Variants in ZNF638 observed in about 807,000 individuals in gnomAD.
ZNF638 encodes the protein zinc finger protein 638.
Under a neutral mutation model 195.6 loss-of-function variants are expected in ZNF638, and 46 were observed. The observed-to-expected ratio is 0.24, with a 90% CI of 0.19 to 0.30. The LOEUF (loss-of-function observed/expected upper bound fraction) is 0.30. Ranked by LOEUF, ZNF638 falls within the 10% of genes least tolerant of loss-of-function variation. The pLI is 1.00. For synonymous variants in ZNF638, 845 were observed against 772.0 expected (o/e 1.09, Z -1.57); for missense variants, 2,440 against 2,325.3 (o/e 1.05, Z -1.01).
intron 17 of ZNF638, among the ~76,000 whole-genome samples, chr2:71,405,126 T>C (rs2080081141): frequency 6.6e-6 from 1 of 152,216 alleles, no homozygotes; most frequent in Non-Finnish European, 1.5e-5. Flanking sequence ...CTTCCATTAG[T>C]TGTCCTCTGC....
In ZNF638 at chr2:71,396,145, A is replaced by G; in HGVS notation, c.2382A>G (p.Lys794=). 1.2e-6 allele frequency: 2 copies of G among 1,613,252 alleles called. No homozygotes were observed. The highest frequency in any genetic ancestry group is 1.7e-6 in the Non-Finnish European group (2 of 1,179,728). Residue 794 remains lysine, a synonymous_variant, in exon 11 of 28, where the codon AAA becomes AAG. Coordinates refer to ENST00000264447, the MANE Select transcript of ZNF638 (RefSeq NM_014497.5). ...ATGTTTTTCTTGTTGTTTTAGCCAA[A>G]ACTGGACAAGCCAAGGCATCTGTAG... ...VEIVTSTSAA[K]TGQAKASVAK...
intron 16 of ZNF638, 56 bp downstream of exon 16, chr2:71,402,143 A>G: frequency 6.6e-7 from 1 of 1,509,296 alleles, no homozygotes; most frequent in African/African-American, 1.4e-5. Flanking sequence ...GCTTTGAAAA[A>G]CATTAAATTT....
intron 22 of ZNF638, 152 bp from the exon 23 acceptor site, chr2:71,424,498 G>A: frequency 1.5e-6 from 1 of 650,522 alleles, no homozygotes; most frequent in Non-Finnish European, 2.7e-6. Context: ...AGTGACTGTT[G>A]ACTTAGTTTT....
intron 3 of ZNF638, among the ~76,000 whole-genome samples, chr2:71,356,598 A>G (rs1218436443): frequency 1.3e-5 from 2 of 152,124 alleles, no homozygotes; most frequent in Non-Finnish European, 2.9e-5. Context: ...CAGCCTGGCC[A>G]ACACAGCAAG....
chr2:71,376,526 G>A (rs367803904), intron 8 of ZNF638, among the ~76,000 whole-genome samples: 1 of 152,090 alleles, frequency 6.6e-6, no homozygotes, highest in Admixed American at 6.5e-5. Flanking sequence ...AACAAACTAG[G>A]AAGAAGAAGA....
chr2:71,380,663 T>G, intron 10 of ZNF638, 98 bp downstream of exon 10: 1 of 944,732 alleles, frequency 1.1e-6, no homozygotes, highest in Non-Finnish European at 1.6e-6. Flanking sequence ...TGTGCTTTAA[T>G]GAAGGAGACC....
intron 6 of ZNF638, among the ~76,000 whole-genome samples, chr2:71,366,691 G>A (rs540765327): frequency 6.6e-6 from 1 of 152,266 alleles, no homozygotes; most frequent in East Asian, 1.9e-4. Context: ...AGGTATAAGA[G>A]TGAGCCTCTC....
rs1354000658 is a variant in ZNF638, at chr2:71,423,949, T to C, written c.4435T>C (p.Ser1479Pro). 1.9e-6 allele frequency: 3 copies of C among 1,614,068 alleles called. No homozygotes were observed. The highest frequency in any genetic ancestry group is 2.2e-5 in the East Asian group (1 of 44,876). The change falls in exon 22 of 28, where the codon TCT becomes CCT. Residue 1479 changes from serine (S) to proline (P), a missense_variant. Ser to Pro is a moderately conservative substitution (Grantham distance 74). Transcript: ENST00000264447. ...GATCTCAGCCCTGCAAGGCAAGCTT[T>C]CTAAACTGGATTACAGAGATATAAC... ...GRISALQGKL[S>P]KLDYRDITKQ...
At position 71,427,149 on chromosome 2, in the gene ZNF638, C is replaced by T. The variant is rs758631038; in HGVS notation, c.5280C>T (p.Asp1760=). Residue 1760 remains aspartate (D), a synonymous_variant, in exon 24 of 28, where the codon GAC becomes GAT. Transcript: ENST00000264447. ...ATGAAGTAACTGAAGAGGATGAAGA[C>T]TCTCTGGCGGATTTTAACAACCTTA... The part of the protein sequence containing the change: ...TLDEVTEEDE[D]SLADFNNLKE... 3 of 1,613,292 alleles carry T rather than the reference C, an allele frequency of 1.9e-6. No homozygotes were observed. The highest frequency in any genetic ancestry group is 2.5e-6 in the Non-Finnish European group (3 of 1,179,764).
intron 10 of ZNF638, among the ~76,000 whole-genome samples, chr2:71,392,077 C>A (rs1041252776): frequency 1.3e-5 from 2 of 152,214 alleles, no homozygotes; most frequent in Admixed American, 1.3e-4. Context: ...ACGATGCAAT[C>A]TGTGGCTGGG....
chr2:71,367,738 CT>C (rs60228089), intron 6 of ZNF638, among the ~76,000 whole-genome samples: 30,640 of 144,888 alleles, frequency 0.21, 4,151 homozygotes, highest in African/African-American at 0.38. Context: ...CAGGCCTGGC[CT>C]TTTTTTTTTT....
At chr2:71,396,043 G>C (rs1330365222) in intron 10 of ZNF638, 98 bp from the exon 11 acceptor site, 2 of 1,100,308 alleles carry the variant, frequency 1.8e-6, no homozygotes, top group East Asian at 4.8e-5. Context: ...GCTGTTTCTT[G>C]CAGGGTTCTT....
rs2080733604 is a variant in ZNF638 at position 71,434,764 on chromosome 2, A to G, written c.5894A>G (p.Lys1965Arg). ...CAGAAATTCATGGCCAAGCAAAGAA[A>G]GGAAAAGGAGCAGAATGAGGCTGAA... ...NTEKFMAKQR[K>R]EKEQNEAEER... Residue 1965 changes from lysine (K) to arginine (R), a missense_variant, in exon 28 of 28, where the codon AAG (lysine) becomes AGG (arginine). Around this residue, in one of 5 missense-constraint regions of ZNF638, gnomAD observed 1,883 missense variants for 1,739.1 expected, o/e 1.08. Coordinates refer to ENST00000264447, the MANE Select transcript of ZNF638 (RefSeq NM_014497.5). 2 of 1,612,420 alleles carry G rather than the reference A, an allele frequency of 1.2e-6. No homozygotes were observed. Among genetic ancestry groups the G allele is most frequent in the East Asian group, 2.2e-5 (1 of 44,798 alleles).
At chr2:71,393,391 C>T (rs556441598) in intron 10 of ZNF638, 33 of 718,548 alleles carry the variant, frequency 4.6e-5, no homozygotes, top group South Asian at 4.6e-4. Context: ...ACACCCCCCT[C>T]AGGCCCTCTT....
At chr2:71,342,861 G>A (rs1445661038) in intron 1 of ZNF638, among the ~76,000 whole-genome samples, 1 of 152,070 alleles carries the variant, frequency 6.6e-6, no homozygotes, top group Non-Finnish European at 1.5e-5. Context: ...GAAGACTAAT[G>A]TTTTAGCTGA....
At position 71,435,005 on chromosome 2, in the gene ZNF638, A is replaced by G; in HGVS notation, c.*198A>G. 1 of 488,544 alleles carries G rather than the reference A, an allele frequency of 2.0e-6. No individual in the cohort carries two copies. The highest frequency in any genetic ancestry group is 3.4e-5 in the South Asian group (1 of 29,274). The allele number at this position is 488,544 out of a possible 1,614,324, so 30.3% of individuals were successfully genotyped here. A position where few individuals can be genotyped will look rare whatever the true frequency, so the allele number is the denominator to read the frequency against. On this transcript the variant is annotated 3_prime_UTR_variant, in exon 28 of 28. Coordinates refer to ENST00000264447, the MANE Select transcript of ZNF638 (RefSeq NM_014497.5). ...TTTTATATCAAATCATCAGGCATGG[A>G]GAAATATCTTTTAGAAGTGTTAAAA... is the stretch of plus-strand genomic sequence containing the variant.
rs1328658402 is a variant in ZNF638 at position 71,427,397 on chromosome 2, T to C, written c.5528T>C (p.Ile1843Thr). 5.7e-6 allele frequency: 9 copies of C among 1,569,986 alleles called. No homozygotes were observed. Among genetic ancestry groups the C allele is most frequent in the South Asian group, 2.4e-5 (2 of 82,540 alleles). The change falls in exon 24 of 28, where the codon ATT (isoleucine) becomes ACT (threonine). Residue 1843 changes from isoleucine (I) to threonine (T), a missense_variant. Coordinates refer to ENST00000264447, the MANE Select transcript of ZNF638 (RefSeq NM_014497.5). ...ATGGAAGAAGATCTAAAAACCATGA[T>C]TGAAAGACACTTAACAGGTAGATAC... ...NVMEEDLKTM[I>T]ERHLTAKTPT...
In ZNF638 at chr2:71,422,819, G is replaced by A. The variant is rs549407202; in HGVS notation, c.3305G>A (p.Gly1102Asp). Reference protein sequence around the residue: ...HDPELEKESPGLKNSPIDESE... With the variant: ...HDPELEKESPDLKNSPIDESE... ...TTGTTTTTAAATACTTTTAGCCCTGGCTTGAAAAACAGTCCAATTGATGAA... is the reference window on the plus strand; with the variant it reads ...TTGTTTTTAAATACTTTTAGCCCTGACTTGAAAAACAGTCCAATTGATGAA... Residue 1102 changes from glycine (G) to aspartate (D), a missense_variant, in exon 22 of 28, where the codon GGC (glycine) becomes GAC (aspartate). By Grantham distance (94) the Gly-to-Asp change is moderately conservative. Around this residue, in one of 5 missense-constraint regions of ZNF638, gnomAD observed 1,883 missense variants for 1,739.1 expected, o/e 1.08. Transcript: ENST00000264447. The A allele has an allele frequency of 6.2e-7, 1 of 1,606,748 alleles. No homozygotes were observed. Among genetic ancestry groups the A allele is most frequent in the Non-Finnish European group, 8.5e-7 (1 of 1,176,708 alleles).
intron 10 of ZNF638, among the ~76,000 whole-genome samples, chr2:71,387,591 A>G (rs544556889): frequency 6.6e-6 from 1 of 152,094 alleles, no homozygotes; most frequent in South Asian, 2.1e-4. Flanking sequence ...GAATTGCCTG[A>G]ACCTGGGAGG....
Sources: allele counts gnomAD v4.1 joint callset (sites outside exome capture counted in the v4.1 genomes callset), GRCh38; gene constraint gnomAD v4.1.1; regional missense constraint gnomAD v4.1.1; transcripts MANE v1.5; gene names NCBI Gene and HGNC (gene_info 2026-07-23, HGNC 2026-07-21).